Variants in ARL15 observed in about 807,000 individuals in gnomAD.
ARL15 encodes the protein ADP-ribosylation factor-like protein 15.
Under a neutral mutation model 25.2 loss-of-function variants are expected in ARL15, and 19 were observed. The observed-to-expected ratio is 0.75, with a 90% confidence interval of 0.53 to 1.10. ARL15 has a LOEUF of 1.10. Among genes scored for constraint, ARL15 ranks in the 50% least tolerant of loss-of-function variants. The probability of loss-of-function intolerance (pLI) is 0.00; values close to 1 mark genes in which losing one functional copy is unlikely to be tolerated. For missense variants in ARL15, 220 were observed against 246.0 expected (o/e 0.89, Z 0.71); for synonymous variants, 94 against 86.8 (o/e 1.08, Z -0.46).
In ARL15 at chr5:54,161,374, A is replaced by G. The variant is rs1040408336; in HGVS notation, c.194-6735T>C. Among the ~76,000 whole-genome samples the G allele has an allele frequency of 5.3e-5, 8 of 152,278 alleles. No homozygotes were observed. In the East Asian group the frequency reaches 1.3e-3, roughly 26 times the overall value. On this transcript the variant is annotated intron_variant, in intron 2 of 4. Transcript: ENST00000504924. ...TTTCTAAGAAAAATGCTTTCCAAAA[A>G]AAAGGGATATCATAACAGTCATAAT...
chr5:54,122,018 T>C (rs954086833), intron 3 of ARL15, among the ~76,000 whole-genome samples: 1 of 152,214 alleles, frequency 6.6e-6, no homozygotes, highest in African/African-American at 2.4e-5. Context: ...GCTCAGTACC[T>C]GGAAGTAAAA....
In ARL15 at chr5:54,073,766, C is replaced by T. The variant is rs148025698; in HGVS notation, c.462+39436G>A. ...TGATTAAAAGAAAAGCCAAGAGACA[C>T]GAAGGTGGCTCTCAAACTAGCAGTA... On this transcript the variant is annotated intron_variant, in intron 4 of 4. Transcript: ENST00000504924. 1.8e-3 allele frequency among the ~76,000 whole-genome samples: 278 copies of T among 152,298 alleles called. 2 individuals are homozygous for T. In the East Asian group the frequency reaches 0.024, roughly 13 times the overall value.
chr5:54,167,621 C>CA (rs36115991), intron 2 of ARL15, among the ~76,000 whole-genome samples: 19,046 of 152,174 alleles, frequency 0.13, 1,522 homozygotes, highest in Non-Finnish European at 0.19. Flanking sequence ...TCCTTGTGCT[C>CA]ACTGCCCTCT....
At chr5:54,306,669 G>T (rs1215170377) in intron 1 of ARL15, among the ~76,000 whole-genome samples, 1 of 152,102 alleles carries the variant, frequency 6.6e-6, no homozygotes, top group Non-Finnish European at 1.5e-5. Context: ...GGGATTACGG[G>T]CGTGAGCCAC....
chr5:53,955,293 A>G (rs1211406580), intron 4 of ARL15, among the ~76,000 whole-genome samples: 1 of 152,114 alleles, frequency 6.6e-6, no homozygotes, highest in African/African-American at 2.4e-5. Context: ...TGCCAAGCTA[A>G]TACAGTCAGA....
At chr5:54,237,810 G>C (rs558583562) in intron 1 of ARL15, among the ~76,000 whole-genome samples, 1 of 152,210 alleles carries the variant, frequency 6.6e-6, no homozygotes, top group Non-Finnish European at 1.5e-5. Context: ...GATCACTGTC[G>C]TATCTACGGT....
chr5:54,015,974 TC>T (rs1749415324), intron 4 of ARL15, among the ~76,000 whole-genome samples: 1 of 152,188 alleles, frequency 6.6e-6, no homozygotes, highest in Non-Finnish European at 1.5e-5. Context: ...ACAGCTCCAT[TC>T]CTCACCCTCC....
At chr5:54,197,787 C>T (rs1755594704) in intron 1 of ARL15, among the ~76,000 whole-genome samples, 1 of 152,152 alleles carries the variant, frequency 6.6e-6, no homozygotes, top group Non-Finnish European at 1.5e-5. Flanking sequence ...TCCTCCCTAA[C>T]TCATTTTATG....
At chr5:54,024,816 C>A (rs1174974441) in intron 4 of ARL15, among the ~76,000 whole-genome samples, 1 of 151,830 alleles carries the variant, frequency 6.6e-6, no homozygotes. Flanking sequence ...ATAGTTAATA[C>A]AAATACTCAC....
intron 1 of ARL15, among the ~76,000 whole-genome samples, chr5:54,306,679 C>T (rs1271905754): frequency 6.6e-6 from 1 of 152,158 alleles, no homozygotes; most frequent in African/African-American, 2.4e-5. Context: ...GCGTGAGCCA[C>T]CTCGCCCAGC....
intron 3 of ARL15, among the ~76,000 whole-genome samples, chr5:54,145,785 C>T (rs1367287862): frequency 6.6e-6 from 1 of 152,168 alleles, no homozygotes; most frequent in East Asian, 1.9e-4. Context: ...ATTACTCTTG[C>T]ATCTTGGGTC....
At chr5:54,184,199 T>A (rs979689862) in intron 1 of ARL15, among the ~76,000 whole-genome samples, 1 of 132,056 alleles carries the variant, frequency 7.6e-6, no homozygotes, top group Non-Finnish European at 1.6e-5. Flanking sequence ...TGTATACATA[T>A]GTAACTAACC....
chr5:54,299,815 C>T (rs900392895), intron 1 of ARL15, among the ~76,000 whole-genome samples: 3 of 151,978 alleles, frequency 2.0e-5, no homozygotes, highest in African/African-American at 4.8e-5. Flanking sequence ...TCTGGATCTC[C>T]TGATCTCGGG....
At chr5:54,155,342 A>T (rs1164611807) in intron 2 of ARL15, among the ~76,000 whole-genome samples, 1 of 152,202 alleles carries the variant, frequency 6.6e-6, no homozygotes, top group East Asian at 1.9e-4. Context: ...TCTTAAAGTT[A>T]ATGTCTTATA....
At chr5:53,948,554 T>C (rs1746826872) in intron 4 of ARL15, among the ~76,000 whole-genome samples, 1 of 152,238 alleles carries the variant, frequency 6.6e-6, no homozygotes, top group Non-Finnish European at 1.5e-5. Context: ...AATCTGGTAA[T>C]ATAAAACTAT....
At chr5:53,988,333 A>G (rs1002256331) in intron 4 of ARL15, among the ~76,000 whole-genome samples, 1 of 151,712 alleles carries the variant, frequency 6.6e-6, no homozygotes, top group African/African-American at 2.4e-5. Flanking sequence ...AAAAAAAAAA[A>G]AGCTTTTCTG....
chr5:54,061,253 G>T (rs1278656069), intron 4 of ARL15, among the ~76,000 whole-genome samples: 1 of 152,178 alleles, frequency 6.6e-6, no homozygotes, highest in Non-Finnish European at 1.5e-5. Context: ...TTCAGATGGT[G>T]CAGGCCCCAA....
At chr5:53,911,654 T>C (rs1745468606) in intron 4 of ARL15, among the ~76,000 whole-genome samples, 1 of 152,148 alleles carries the variant, frequency 6.6e-6, no homozygotes, top group South Asian at 2.1e-4. Flanking sequence ...GTGTACACTG[T>C]ACCCAATGTG....
intron 1 of ARL15, among the ~76,000 whole-genome samples, chr5:54,208,693 C>A (rs1755945666): frequency 6.6e-6 from 1 of 151,974 alleles, no homozygotes; most frequent in South Asian, 2.1e-4. Flanking sequence ...AGCAAAATCT[C>A]AAAAAAACCG....
Sources: allele counts gnomAD v4.1 joint callset (sites outside exome capture counted in the v4.1 genomes callset), GRCh38; gene constraint gnomAD v4.1.1; transcripts MANE v1.5; gene names NCBI Gene and HGNC (gene_info 2026-07-23, HGNC 2026-07-21).